Variants in ARHGAP22 observed in about 807,000 individuals in gnomAD.
The protein encoded by ARHGAP22 is rho GTPase-activating protein 22.
Under a neutral mutation model 59.1 loss-of-function variants are expected in ARHGAP22, and 48 were observed. The observed-to-expected ratio is 0.81, with a 90% CI of 0.64 to 1.03. The LOEUF is 1.03. Ranked by LOEUF, ARHGAP22 falls within the 50% of genes least tolerant of loss-of-function variation. ARHGAP22 has a pLI of 0.00. For synonymous variants in ARHGAP22, 445 were observed against 416.4 expected (o/e 1.07, Z -0.84); for missense variants, 1,015 against 958.7 (o/e 1.06, Z -0.78).
intron 3 of ARHGAP22, among the ~76,000 whole-genome samples, chr10:48,553,470 G>A (rs2057061927): frequency 2.6e-5 from 4 of 152,218 alleles, no homozygotes; most frequent in Admixed American, 2.6e-4. Context: ...CTGTGTTGGA[G>A]GGCAAGGTAA....
rs138706415 is a variant in ARHGAP22 at position 48,626,534 on chromosome 10, C to T, written c.52+25700G>A. 8.0e-3 allele frequency among the ~76,000 whole-genome samples: 1,221 copies of T among 152,312 alleles called. 16 individuals carry two copies. Among genetic ancestry groups the T allele is most frequent in the African/African-American group, 0.028 (1,168 of 41,562 alleles). On this transcript the variant is annotated intron_variant, in intron 1 of 9. Transcript: ENST00000435790. Reference sequence around the variant, plus strand: ...GAAGCTCTGGCCACTGTTCCAGACCCATGGCACATTCGGAACTTCCTGAAT... The same window carrying T: ...GAAGCTCTGGCCACTGTTCCAGACCTATGGCACATTCGGAACTTCCTGAAT...
At chr10:48,444,406 G>A (rs950629349), downstream of ARHGAP22, 4 of 152,186 alleles carry the variant, frequency 2.6e-5, no homozygotes, top group African/African-American at 9.7e-5. Context: ...CCCAGTGCTG[G>A]TTACACAGAG....
intron 1 of ARHGAP22, among the ~76,000 whole-genome samples, chr10:48,648,001 A>G (rs12268791): frequency 0.032 from 4,937 of 152,308 alleles, 203 homozygotes; most frequent in African/African-American, 0.1. Flanking sequence ...TTATGAAGAC[A>G]AAAAGCAGAT....
intron 3 of ARHGAP22, among the ~76,000 whole-genome samples, chr10:48,483,483 T>C (rs2049533387): frequency 6.6e-6 from 1 of 152,222 alleles, no homozygotes; most frequent in South Asian, 2.1e-4. Flanking sequence ...GAAATCTCCA[T>C]ACTGTTTTCC....
At position 48,487,207 on chromosome 10, in the gene ARHGAP22, G is replaced by A. The variant is rs76883564; in HGVS notation, c.323-7443C>T. ...TTACACAACTTAAGGTTATCCTGCAGCTCGCTGATGCTCTGTTTTTGTTAA... is the reference window on the plus strand; with the variant it reads ...TTACACAACTTAAGGTTATCCTGCAACTCGCTGATGCTCTGTTTTTGTTAA... On this transcript the variant is annotated intron_variant, in intron 3 of 9. Transcript: ENST00000249601. Among the ~76,000 whole-genome samples, 17 of 152,226 alleles carry A rather than the reference G, an allele frequency of 1.1e-4. No homozygotes were observed. In the East Asian group the frequency reaches 2.9e-3, roughly 26 times the overall value.
chr10:48,510,641 G>A (rs1433490247), intron 3 of ARHGAP22: 1 of 152,284 alleles, frequency 6.6e-6, no homozygotes, highest in African/African-American at 2.4e-5. Flanking sequence ...GGAAGGGATA[G>A]CACTGCTCTG....
At chr10:48,521,435 G>T (rs2053798696) in intron 3 of ARHGAP22, among the ~76,000 whole-genome samples, 1 of 152,266 alleles carries the variant, frequency 6.6e-6, no homozygotes, top group Non-Finnish European at 1.5e-5. Flanking sequence ...TGAGATTATA[G>T]AATATTTCAG....
intron 4 of ARHGAP22, among the ~76,000 whole-genome samples, chr10:48,477,793 G>T (rs2048886865): frequency 6.6e-6 from 1 of 152,184 alleles, no homozygotes; most frequent in Admixed American, 6.5e-5. Flanking sequence ...GGAAATGGCT[G>T]TCCAAGTCTC....
intron 3 of ARHGAP22, chr10:48,524,227 C>T: frequency 1.9e-6 from 1 of 518,168 alleles, no homozygotes. Context: ...CGCGGGACCG[C>T]CGGCCCGCGG....
At chr10:48,528,946 G>A (rs188364570) in intron 3 of ARHGAP22, among the ~76,000 whole-genome samples, 7 of 152,272 alleles carry the variant, frequency 4.6e-5, no homozygotes, top group South Asian at 2.1e-4. Flanking sequence ...TGTACAGCCC[G>A]CAGAACTTTG....
Position 48,450,271 on chromosome 10 carries a change from T to G in ARHGAP22, c.1858A>C (p.Ser620Arg), listed in dbSNP as rs778678579. The G allele has an allele frequency of 1.9e-6, 3 of 1,609,484 alleles. No individual in the cohort carries two copies. The highest frequency in any genetic ancestry group is 2.2e-5 in the South Asian group (2 of 90,278). Reference sequence around the variant, plus strand: ...GGGGCAGCAAGTTACCTTTTCACACTCCTCTCGTACTCAGTCCGCTGGCGG... The same window carrying G: ...GGGGCAGCAAGTTACCTTTTCACACGCCTCTCGTACTCAGTCCGCTGGCGG... The part of the protein sequence containing the change: ...LCRQRTEYER[S>R]VKRIEEGSAD... The change falls in exon 9 of 10, where the codon AGT becomes CGT. Residue 620 changes from serine to arginine, a missense_variant. Physicochemically the swap from Ser to Arg is moderately radical, Grantham distance 110. Coordinates refer to ENST00000249601, the MANE Select transcript of ARHGAP22 (RefSeq NM_021226.4).
Position 48,583,002 on chromosome 10 carries a change from C to A in ARHGAP22, c.185G>T (p.Arg62Leu), listed in dbSNP as rs761587623. 9.9e-6 allele frequency: 16 copies of A among 1,614,146 alleles called. No individual in the cohort carries two copies. The highest frequency in any genetic ancestry group is 2.7e-5 in the African/African-American group (2 of 74,960). Residue 62 changes from arginine (R) to leucine (L), a missense_variant, in exon 2 of 10, where the codon CGT becomes CTT. Physicochemically the swap from Arg to Leu is moderately radical, Grantham distance 102. Transcript: ENST00000249601. ...CTTGTAGTAGAAAAGCTGATCCCCA[C>A]GCAGCACAAACCAGCGCTGCTGCCA... ...KNWQQRWFVL[R>L]GDQLFYYKDK...
chr10:48,625,289 A>G (rs2061410757), intron 1 of ARHGAP22, among the ~76,000 whole-genome samples: 1 of 152,176 alleles, frequency 6.6e-6, no homozygotes, highest in East Asian at 1.9e-4. Flanking sequence ...TATGGAACAG[A>G]GACTGTGTGC....
chr10:48,490,392 A>T (rs548517375), intron 3 of ARHGAP22, among the ~76,000 whole-genome samples: 23 of 151,158 alleles, frequency 1.5e-4, no homozygotes, highest in Non-Finnish European at 2.8e-4. Context: ...ACCTCTGCCC[A>T]CTCCCTCCCT....
At chr10:48,509,537 G>A (rs1356417709) in intron 3 of ARHGAP22, among the ~76,000 whole-genome samples, 2 of 152,194 alleles carry the variant, frequency 1.3e-5, no homozygotes, top group Admixed American at 6.5e-5. Flanking sequence ...AGTCGAAGGC[G>A]GGCCAGCCTG....
chr10:48,564,881 G>A (rs561691119), intron 2 of ARHGAP22, among the ~76,000 whole-genome samples: 1 of 152,350 alleles, frequency 6.6e-6, no homozygotes, highest in East Asian at 1.9e-4. Context: ...GCCCACATCA[G>A]GAGACTGCCA....
chr10:48,551,098 G>A (rs1025354989), intron 3 of ARHGAP22, among the ~76,000 whole-genome samples: 1 of 152,174 alleles, frequency 6.6e-6, no homozygotes, highest in Non-Finnish European at 1.5e-5. Flanking sequence ...AGGAGGCAGA[G>A]GGGAAATGTA....
chr10:48,454,222 T>A, intron 6 of ARHGAP22, 61 bp from the exon 7 acceptor site: 1 of 1,448,934 alleles, frequency 6.9e-7, no homozygotes, highest in South Asian at 1.1e-5. Context: ...GTTCTCTGAC[T>A]GCGAGGAGGG....
intron 1 of ARHGAP22, among the ~76,000 whole-genome samples, chr10:48,630,570 G>A (rs779745658): frequency 3.3e-5 from 5 of 152,030 alleles, no homozygotes; most frequent in Admixed American, 6.6e-5. Flanking sequence ...AAATGGTATC[G>A]TGCTTTTATT....
Sources: gnomAD v4.1 joint callset for allele counts (sites outside exome capture counted in the v4.1 genomes callset) on GRCh38, gnomAD v4.1.1 for gene constraint, MANE v1.5 for transcripts, NCBI Gene and HGNC (gene_info 2026-07-23, HGNC 2026-07-21) for gene names.